BCAS3: variants seen among roughly 807,000 people sequenced by gnomAD.
The protein encoded by BCAS3 is BCAS3 microtubule associated cell migration factor.
A neutral mutation model predicts 116.1 loss-of-function variants in BCAS3; 53 were observed. The ratio of observed to expected loss-of-function variants is 0.46; its 90% CI spans 0.37 to 0.57. The LOEUF (loss-of-function observed/expected upper bound fraction) is 0.57, where lower values mean the gene tolerates loss of function less well. BCAS3 is among the 20% of genes least tolerant of loss of function. The pLI, the probability that BCAS3 is intolerant of heterozygous loss-of-function variation, is 0.00. For missense variants in BCAS3, 917 were observed against 1,165.4 expected, an observed-to-expected ratio of 0.79 and a Z score of 3.10; for synonymous variants, 391 against 408.2, an observed-to-expected ratio of 0.96 and a Z score of 0.51.
At chr17:60,826,509 G>T (rs1056249540) in intron 7 of BCAS3, among the ~76,000 whole-genome samples, 2 of 152,006 alleles carry the variant, frequency 1.3e-5, no homozygotes, top group African/African-American at 4.8e-5. Flanking sequence ...GAATTTTGGG[G>T]GACACATTCA....
Position 61,063,088 on chromosome 17 carries a change from CAACA to C in BCAS3, c.2030-11824_2030-11821del, listed in dbSNP as rs1255153020. Among the ~76,000 whole-genome samples the C allele has an allele frequency of 6.6e-6, 1 of 152,126 alleles. No individual in the cohort carries two copies. Among genetic ancestry groups the C allele is most frequent in the Non-Finnish European group, 1.5e-5 (1 of 68,016 alleles). The stretch of plus-strand genomic sequence containing the variant: ...TATTTTCTTTGGCCCTCCAGAAAGT[CAACA>C]AACAAACTGCCTCAAGCATCCTAAA... On this transcript the variant is annotated intron_variant, in intron 19 of 23. Transcript: ENST00000407086. This position sits in a 1 kb window ranked among gnomAD's most constrained non-coding sequence, Gnocchi z 5.3.
chr17:61,181,131 G>T lies in BCAS3; in HGVS notation c.2425+96567G>T, dbSNP rs1438648644. On this transcript the variant is annotated intron_variant, in intron 22 of 23. Coordinates refer to ENST00000407086, the MANE Select transcript of BCAS3 (RefSeq NM_017679.5). The surrounding 1 kb of genome is among the most constrained non-coding windows in gnomAD (Gnocchi z 5.0). The stretch of plus-strand genomic sequence containing the variant: ...GTCTCAGCTACTCAGGAGCTGGGAG[G>T]ATCACTTGACCCTAGGAACTCGAGG... Among the ~76,000 whole-genome samples, 1 of 152,102 alleles carries T rather than the reference G, an allele frequency of 6.6e-6. No individual in the cohort carries two copies. Among genetic ancestry groups the T allele is most frequent in the Non-Finnish European group, 1.5e-5 (1 of 68,006 alleles).
chr17:61,380,095 T>G lies in BCAS3; in HGVS notation c.2593+11601T>G, dbSNP rs996925744. The G allele has an allele frequency of 1.6e-5, 3 of 191,540 alleles. No homozygotes were observed. The highest frequency in any genetic ancestry group is 7.0e-5 in the African/African-American group (3 of 42,720). 11.9% of individuals were successfully genotyped at this position (191,540 alleles called of 1,614,324 possible). On this transcript the variant is annotated intron_variant, in intron 23 of 23. Coordinates refer to ENST00000407086, the MANE Select transcript of BCAS3 (RefSeq NM_017679.5). This position sits in a 1 kb window ranked among gnomAD's most constrained non-coding sequence, Gnocchi z 4.2. ...TGCCCTTGAGCTGGTCTTTGTGACC[T>G]TTCTCTAAGCAGCCCAACCACACAC...
intron 6 of BCAS3, among the ~76,000 whole-genome samples, chr17:60,770,690 T>C (rs1817324842): frequency 6.6e-6 from 1 of 151,722 alleles, no homozygotes; most frequent in Non-Finnish European, 1.5e-5. Context: ...GTGACAGGCA[T>C]GAGCCACTGC....
intron 19 of BCAS3, among the ~76,000 whole-genome samples, chr17:61,069,027 T>G (rs2071029639): frequency 6.6e-6 from 1 of 151,994 alleles, no homozygotes. Context: ...AGAGGATAAT[T>G]CTATTTAAAG....
rs748316984 is a variant in BCAS3, at chr17:61,283,295, A to AT, written c.2426-85030dup. ...AACTAGTTAGCTTCATCCACCAGAC[A>AT]TTAAGCACCCACTCTATGCTAAGTA... On this transcript the variant is annotated intron_variant, in intron 22 of 23. Coordinates refer to ENST00000407086, the MANE Select transcript of BCAS3 (RefSeq NM_017679.5). 8.5e-5 allele frequency among the ~76,000 whole-genome samples: 13 copies of AT among 152,310 alleles called. No individual in the cohort carries two copies. In the South Asian group the frequency reaches 1.7e-3, roughly 19 times the overall value.
At chr17:61,202,059 C>CTTTTTTTTTTT (rs35961240) in intron 22 of BCAS3, among the ~76,000 whole-genome samples, 26 of 70,332 alleles carry the variant, frequency 3.7e-4, no homozygotes, top group African/African-American at 6.3e-4. Context: ...TGCCCGGCCT[C>CTTTTTTTTTTT]TTTTTTTTTT....
At chr17:61,080,584 C>A (rs1009857420) in intron 21 of BCAS3, among the ~76,000 whole-genome samples, 6 of 151,982 alleles carry the variant, frequency 3.9e-5, no homozygotes, top group African/African-American at 1.4e-4. Context: ...CAAAACCCTA[C>A]CAAAAAAATA....
rs2081860906 is a variant in BCAS3, at chr17:61,217,372, A to G, written c.2425+132808A>G. 1.3e-5 allele frequency among the ~76,000 whole-genome samples: 2 copies of G among 152,222 alleles called. No individual in the cohort carries two copies. Among genetic ancestry groups the G allele is most frequent in the Non-Finnish European group, 2.9e-5 (2 of 68,036 alleles). ...TGATAGTGAAAATCTAGGTTCCTGAAAAGAATAGATTATTTCCCCAGCTGG... is the reference window on the plus strand; with the variant it reads ...TGATAGTGAAAATCTAGGTTCCTGAGAAGAATAGATTATTTCCCCAGCTGG... On this transcript the variant is annotated intron_variant, in intron 22 of 23. Coordinates refer to ENST00000407086, the MANE Select transcript of BCAS3 (RefSeq NM_017679.5). The surrounding 1 kb of genome is among the most constrained non-coding windows in gnomAD (Gnocchi z 5.2).
chr17:61,133,859 C>CA (rs11449964), intron 22 of BCAS3, among the ~76,000 whole-genome samples: 6,495 of 81,916 alleles, frequency 0.079, 662 homozygotes, highest in African/African-American at 0.24. Context: ...CCTGGAATCT[C>CA]AAAAAAAAAA....
chr17:61,096,454 G>A (rs932673626), intron 22 of BCAS3, among the ~76,000 whole-genome samples: 3 of 152,212 alleles, frequency 2.0e-5, no homozygotes, highest in African/African-American at 4.8e-5. Context: ...CTACCTGGGA[G>A]GCTGAGGTGG....
At position 61,214,791 on chromosome 17, in the gene BCAS3, G is replaced by A. The variant is rs1354471264; in HGVS notation, c.2425+130227G>A. ...TTGGAATTAACAGGTCCACAAGCCA[G>A]TGGCTTTTCTGGAAATTACTGAAAG... On this transcript the variant is annotated intron_variant, in intron 22 of 23. Transcript: ENST00000407086. This position sits in a 1 kb window ranked among gnomAD's most constrained non-coding sequence, Gnocchi z 4.4. Among the ~76,000 whole-genome samples the A allele has an allele frequency of 6.6e-6, 1 of 152,258 alleles. No individual in the cohort carries two copies. Among genetic ancestry groups the A allele is most frequent in the African/African-American group, 2.4e-5 (1 of 41,470 alleles).
At chr17:60,916,477 G>C (rs535643302) in intron 12 of BCAS3, among the ~76,000 whole-genome samples, 2 of 152,176 alleles carry the variant, frequency 1.3e-5, no homozygotes, top group South Asian at 2.1e-4. Flanking sequence ...ATGGCAAAAA[G>C]TTTTCCAAGG....
At position 61,105,615 on chromosome 17, in the gene BCAS3, T is replaced by C. The variant is rs1255450090; in HGVS notation, c.2425+21051T>C. Among the ~76,000 whole-genome samples, 1 of 151,982 alleles carries C rather than the reference T, an allele frequency of 6.6e-6. No homozygotes were observed. Among genetic ancestry groups the C allele is most frequent in the Non-Finnish European group, 1.5e-5 (1 of 67,988 alleles). ...AATTTTGTATTTTTTTTAGTATAGA[T>C]GGGGTTTCTCCATGTTGGTCAGGCT... On this transcript the variant is annotated intron_variant, in intron 22 of 23. Coordinates refer to ENST00000407086, the MANE Select transcript of BCAS3 (RefSeq NM_017679.5). The surrounding 1 kb of genome is among the most constrained non-coding windows in gnomAD (Gnocchi z 4.3).
intron 3 of BCAS3, among the ~76,000 whole-genome samples, chr17:60,686,989 T>C (rs1458421707): frequency 6.6e-6 from 1 of 152,204 alleles, no homozygotes; most frequent in African/African-American, 2.4e-5. Flanking sequence ...AATAATTTGC[T>C]ATAAATAAAA....
rs1283917933 is a variant in BCAS3 at position 61,278,332 on chromosome 17, T to C, written c.2426-89995T>C. ...CTGGGATTACAGGCATGAGCCACCG[T>C]TCCCAGATAATTTTTGTGTTTTTTG... On this transcript the variant is annotated intron_variant, in intron 22 of 23. Transcript: ENST00000407086. This position sits in a 1 kb window ranked among gnomAD's most constrained non-coding sequence, Gnocchi z 5.8. 6.6e-6 allele frequency among the ~76,000 whole-genome samples: 1 copy of C among 152,128 alleles called. No homozygotes were observed. The highest frequency in any genetic ancestry group is 1.5e-5 in the Non-Finnish European group (1 of 68,006).
chr17:60,738,833 G>C (rs1044702146), intron 5 of BCAS3, among the ~76,000 whole-genome samples: 1 of 152,110 alleles, frequency 6.6e-6, no homozygotes, highest in African/African-American at 2.4e-5. Context: ...ATAGCTCACT[G>C]TAGCCTCGAA....
In BCAS3 at chr17:61,141,677, C is replaced by T. The variant is rs1270966505; in HGVS notation, c.2425+57113C>T. ...CAGCTCTTTGAGAGGCTGAGGTGGG[C>T]GGATCACGAGGTCAAGAGATCAAGA... On this transcript the variant is annotated intron_variant, in intron 22 of 23. Transcript: ENST00000407086. This position sits in a 1 kb window ranked among gnomAD's most constrained non-coding sequence, Gnocchi z 4.3. Among the ~76,000 whole-genome samples the T allele has an allele frequency of 2.6e-5, 4 of 151,836 alleles. No individual in the cohort carries two copies. The highest frequency in any genetic ancestry group is 4.2e-4 in the South Asian group (2 of 4,790).
At chr17:60,762,790 G>A (rs974351332) in intron 6 of BCAS3, among the ~76,000 whole-genome samples, 7 of 152,052 alleles carry the variant, frequency 4.6e-5, no homozygotes, top group Admixed American at 6.6e-5. Context: ...TACCTTGGTC[G>A]GTATGGCCAT....
Sources: allele counts gnomAD v4.1 joint callset (sites outside exome capture counted in the v4.1 genomes callset), GRCh38; gene constraint gnomAD v4.1.1; non-coding constraint Gnocchi (gnomAD v3.1); transcripts MANE v1.5; gene names NCBI Gene and HGNC (gene_info 2026-07-23, HGNC 2026-07-21).